The following ADAP2 variants were observed in gnomAD, a reference collection of about 807,000 sequenced individuals.
The protein encoded by ADAP2 is arf-GAP with dual PH domain-containing protein 2.
A neutral mutation model predicts 54.9 loss-of-function variants in ADAP2; 42 were observed. The observed-to-expected ratio is 0.77, with a 90% CI of 0.60 to 0.99. The LOEUF (loss-of-function observed/expected upper bound fraction) is 0.99. Ranked by LOEUF, ADAP2 falls within the 50% of genes least tolerant of loss-of-function variation. The pLI, the probability that ADAP2 is intolerant of heterozygous loss-of-function variation, is 0.00. For missense variants in ADAP2, 429 were observed against 480.4 expected, an observed-to-expected ratio of 0.89 and a Z score of 1.00; for synonymous variants, 177 against 180.1, an observed-to-expected ratio of 0.98 and a Z score of 0.14.
chr17:30,955,552 C>G (rs767425318), intron 9 of ADAP2, among the ~76,000 whole-genome samples: 3 of 151,720 alleles, frequency 2.0e-5, no homozygotes, highest in Non-Finnish European at 4.4e-5. Context: ...ACTAAAAATA[C>G]AAAAATTAGC....
rs750985951 is a variant in ADAP2 at position 30,944,898 on chromosome 17, C to G, written c.511-9C>G. 10 of 1,612,006 alleles carry G rather than the reference C, an allele frequency of 6.2e-6. No individual in the cohort carries two copies. Among genetic ancestry groups the G allele is most frequent in the Non-Finnish European group, 8.5e-6 (10 of 1,179,482 alleles). On this transcript the variant is annotated splice_polypyrimidine_tract_variant and intron_variant, in intron 5 of 10. Transcript: ENST00000330889. ...TGTCAGCGTCTTTCTTTCTCTTTCTCTCTTTCAGGGTAAAAGCCCCAAAGC... is the reference window on the plus strand; with the variant it reads ...TGTCAGCGTCTTTCTTTCTCTTTCTGTCTTTCAGGGTAAAAGCCCCAAAGC...
chr17:30,954,650 TCCCAGAGC>T, intron 9 of ADAP2, 95 bp downstream of exon 9: 1 of 1,066,322 alleles, frequency 9.4e-7, no homozygotes, highest in Non-Finnish European at 1.4e-6. Context: ...TAAACACATC[TCCCAGAGC>T]CCCAGAGCTA....
intron 7 of ADAP2, 147 bp downstream of exon 7, chr17:30,949,517 G>A (rs1567724817): frequency 4.6e-6 from 3 of 649,828 alleles, no homozygotes; most frequent in African/African-American, 3.6e-5. Flanking sequence ...GGGAGGCTGA[G>A]GCGGGCGGAT....
intron 6 of ADAP2, among the ~76,000 whole-genome samples, chr17:30,948,525 G>A (rs962281585): frequency 9.2e-5 from 14 of 151,940 alleles, no homozygotes; most frequent in East Asian, 1.9e-4. Context: ...AGCCAAGATC[G>A]CACCACTGCA....
chr17:30,950,809 C>T (rs926376464), intron 7 of ADAP2, among the ~76,000 whole-genome samples: 1 of 152,136 alleles, frequency 6.6e-6, no homozygotes, highest in Non-Finnish European at 1.5e-5. Flanking sequence ...TTAATGCTGG[C>T]TCCCATGGGC....
chr17:30,936,682 C>T (rs8067252), intron 5 of ADAP2, among the ~76,000 whole-genome samples: 38,393 of 151,888 alleles, frequency 0.25, 5,238 homozygotes, highest in African/African-American at 0.36. Flanking sequence ...TTTGGGAGGC[C>T]GAGGTGGGCA....
At position 30,958,063 on chromosome 17, in the gene ADAP2, T is replaced by G. The variant is rs2142617002; in HGVS notation, c.*194T>G. On this transcript the variant is annotated 3_prime_UTR_variant, in exon 11 of 11. Transcript: ENST00000330889. ...CCTTCCCCGCAACCCACCTCGGGGA[T>G]CTGAGGATCTGGTGCATAGATGAAC... The G allele has an allele frequency of 6.4e-6, 4 of 620,306 alleles. No individual in the cohort carries two copies. Among genetic ancestry groups the G allele is most frequent in the Non-Finnish European group, 1.2e-5 (4 of 342,592 alleles). 38.4% of individuals were successfully genotyped at this position (620,306 alleles called of 1,614,324 possible).
intron 3 of ADAP2, 116 bp downstream of exon 3, chr17:30,927,034 A>G: frequency 1.3e-6 from 1 of 749,582 alleles, no homozygotes; most frequent in Non-Finnish European, 2.3e-6. Context: ...CCTGGTGCGC[A>G]GGTGGATCCA....
At chr17:30,940,329 G>C (rs991329914) in intron 5 of ADAP2, among the ~76,000 whole-genome samples, 30 of 149,096 alleles carry the variant, frequency 2.0e-4, no homozygotes, top group Non-Finnish European at 3.4e-4. Flanking sequence ...TTTCGAGATG[G>C]AGTCTCGCTT....
intron 7 of ADAP2, among the ~76,000 whole-genome samples, chr17:30,951,801 G>A (rs1392180095): frequency 1.3e-5 from 2 of 151,650 alleles, no homozygotes; most frequent in Non-Finnish European, 2.9e-5. Context: ...GACTACAGGC[G>A]CTCGCCACTG....
chr17:30,929,987 G>A (rs1223282730), intron 3 of ADAP2, among the ~76,000 whole-genome samples: 1 of 152,082 alleles, frequency 6.6e-6, no homozygotes, highest in Non-Finnish European at 1.5e-5. Flanking sequence ...AAAGTGCTGG[G>A]ATTACAGGCA....
chr17:30,956,200 C>CT (rs1567728264), intron 9 of ADAP2, 41 bp from the exon 10 acceptor site: 4 of 1,596,704 alleles, frequency 2.5e-6, no homozygotes, highest in South Asian at 2.2e-5. Context: ...CCCCTCTGCC[C>CT]TGGGGGCACC....
Position 30,934,232 on chromosome 17 carries a change from T to C in ADAP2, c.445T>C (p.Phe149Leu), listed in dbSNP as rs1237608177. Reference sequence around the variant, plus strand: ...GAAGCGAGGAAGGGACAACTCACAGTTTCTGAGAAGGAAGTTTGTACTTCT... The same window carrying C: ...GAAGCGAGGAAGGGACAACTCACAGCTTCTGAGAAGGAAGTTTGTACTTCT... Reference protein sequence around the residue: ...LWKRGRDNSQFLRRKFVLLAR... With the variant: ...LWKRGRDNSQLLRRKFVLLAR... Residue 149 changes from phenylalanine (F) to leucine (L), a missense_variant, in exon 5 of 11, where the codon TTT becomes CTT. By Grantham distance (22) the Phe-to-Leu change is conservative. Coordinates refer to ENST00000330889, the MANE Select transcript of ADAP2 (RefSeq NM_018404.3). The C allele has an allele frequency of 6.2e-7, 1 of 1,614,108 alleles. No homozygotes were observed. Among genetic ancestry groups the C allele is most frequent in the East Asian group, 2.2e-5 (1 of 44,874 alleles).
chr17:30,932,603 G>T (rs1267881919), intron 4 of ADAP2, among the ~76,000 whole-genome samples: 4 of 146,942 alleles, frequency 2.7e-5, no homozygotes, highest in African/African-American at 7.6e-5. Context: ...TTGAGACAGA[G>T]TCTTGCTCTT....
intron 6 of ADAP2, among the ~76,000 whole-genome samples, chr17:30,947,843 A>G (rs1292749758): frequency 2.6e-5 from 4 of 152,192 alleles, no homozygotes; most frequent in Non-Finnish European, 5.9e-5. Flanking sequence ...TAGCCTCCCA[A>G]TTCCAAATTC....
rs1188607292 is a variant in ADAP2 at position 30,956,262 on chromosome 17, GT to G, written c.909del (p.Asn306ThrfsTer59). 1.9e-6 allele frequency: 3 copies of G among 1,614,164 alleles called. No individual in the cohort carries two copies. The highest frequency in any genetic ancestry group is 2.5e-6 in the Non-Finnish European group (3 of 1,180,020). On this transcript the variant is annotated frameshift_variant, in exon 10 of 11. Coordinates refer to ENST00000330889, the MANE Select transcript of ADAP2 (RefSeq NM_018404.3). LOFTEE classifies it high-confidence loss of function. The part of the protein sequence containing the change: ...NPLDAFEQGQ[V>X]FLGNKEQGYE... ...TCAGGATGCCTTCGAGCAGGGCCAG[GT>G]TTTTCTTGGGAACAAGGAGCAGGGA...
At chr17:30,955,819 G>T (rs1905028852) in intron 9 of ADAP2, among the ~76,000 whole-genome samples, 1 of 151,934 alleles carries the variant, frequency 6.6e-6, no homozygotes, top group Non-Finnish European at 1.5e-5. Context: ...AGCCTGGGAG[G>T]TTGAGGCTGG....
At position 30,934,190 on chromosome 17, in the gene ADAP2, C is replaced by G; in HGVS notation, c.403C>G (p.Arg135Gly). Residue 135 changes from arginine to glycine, a missense_variant, in exon 5 of 11, where the codon CGA becomes GGA. By Grantham distance (125) the Arg-to-Gly change is moderately radical. Transcript: ENST00000330889. ...DGETISLPGN[R>G]EGFLWKRGRD... The stretch of plus-strand genomic sequence containing the variant: ...TGTCATCCTTGCTGCTTAAGGTAAC[C>G]GAGAAGGATTCCTGTGGAAGCGAGG... The G allele has an allele frequency of 6.2e-7, 1 of 1,613,572 alleles. No homozygotes were observed. The highest frequency in any genetic ancestry group is 8.5e-7 in the Non-Finnish European group (1 of 1,179,612).
rs1342424203 is a variant in ADAP2 at position 30,957,988 on chromosome 17, G to A, written c.*119G>A. On this transcript the variant is annotated 3_prime_UTR_variant, in exon 11 of 11. Transcript: ENST00000330889. ...CCGCAGTCAGCAGCCATTCCTGGCA[G>A]TGAACTCTGCCAGGACTGAAGCTGT... 2.0e-6 allele frequency: 2 copies of A among 981,958 alleles called. No homozygotes were observed. The highest frequency in any genetic ancestry group is 1.6e-5 in the African/African-American group (1 of 62,078). 60.8% of individuals were successfully genotyped at this position (981,958 alleles called of 1,614,324 possible). A position where few individuals can be genotyped will look rare whatever the true frequency, so the allele number is the denominator to read the frequency against.
Sources: gnomAD v4.1 joint callset for allele counts (sites outside exome capture counted in the v4.1 genomes callset) on GRCh38, gnomAD v4.1.1 for gene constraint, MANE v1.5 for transcripts, NCBI Gene and HGNC (gene_info 2026-07-23, HGNC 2026-07-21) for gene names.